The following NKAIN2 variants were observed in gnomAD, a reference collection of about 807,000 sequenced individuals.
The protein encoded by NKAIN2 is sodium/potassium-transporting ATPase subunit beta-1-interacting protein 2.
NKAIN2 carries 14 observed loss-of-function variants against 32.6 expected under a neutral mutation model. The ratio of observed to expected loss-of-function variants is 0.43; its 90% CI spans 0.28 to 0.67. NKAIN2 has a LOEUF of 0.67. NKAIN2 is among the 30% of genes least tolerant of loss of function. NKAIN2 has a pLI of 0.17. For missense variants in NKAIN2, 198 were observed against 258.3 expected, an observed-to-expected ratio of 0.77 and a Z score of 1.60; for synonymous variants, 80 against 87.2, an observed-to-expected ratio of 0.92 and a Z score of 0.46.
At chr6:124,427,318 C>A in intron 3 of NKAIN2, among the ~76,000 whole-genome samples, 1 of 152,068 alleles carries the variant, frequency 6.6e-6, no homozygotes, top group African/African-American at 2.4e-5. Context: ...CAATGATATT[C>A]AGCAATGTAA....
At chr6:124,752,488 C>T (rs955059322) in intron 4 of NKAIN2, among the ~76,000 whole-genome samples, 12 of 151,826 alleles carry the variant, frequency 7.9e-5, no homozygotes, top group Non-Finnish European at 1.8e-4. Flanking sequence ...TTTGTTATTT[C>T]CTCTATTCTG....
chr6:124,166,727 T>C (rs1359376444), intron 1 of NKAIN2, among the ~76,000 whole-genome samples: 1 of 151,888 alleles, frequency 6.6e-6, no homozygotes, highest in East Asian at 1.9e-4. Flanking sequence ...GTTTCAGCTT[T>C]CTCCATATGG....
At chr6:124,624,573 C>CATTT (rs1039966143) in intron 3 of NKAIN2, among the ~76,000 whole-genome samples, 2 of 152,142 alleles carry the variant, frequency 1.3e-5, no homozygotes, top group East Asian at 3.9e-4. Context: ...CATAGATAAA[C>CATTT]ATTTATTTTT....
At chr6:124,568,806 T>C (rs1026069181) in intron 3 of NKAIN2, among the ~76,000 whole-genome samples, 4 of 111,582 alleles carry the variant, frequency 3.6e-5, no homozygotes, top group Middle Eastern at 0.012. Flanking sequence ...TTATTATTGC[T>C]AGAAAAGCAC....
chr6:123,851,244 A>T (rs375174171), intron 1 of NKAIN2, among the ~76,000 whole-genome samples: 488 of 87,966 alleles, frequency 5.5e-3, no homozygotes, highest in African/African-American at 6.2e-3. Context: ...TGGTGGTTCT[A>T]TTTTTTTTTT....
intron 4 of NKAIN2, among the ~76,000 whole-genome samples, chr6:124,740,447 C>CATGTGT (rs144418974): frequency 7.0e-6 from 1 of 143,754 alleles, no homozygotes; most frequent in Non-Finnish European, 1.5e-5. Context: ...CACATATACA[C>CATGTGT]GTGTGTGTGT....
intron 1 of NKAIN2, among the ~76,000 whole-genome samples, chr6:124,231,481 G>T (rs1336887223): frequency 6.6e-6 from 1 of 152,164 alleles, no homozygotes; most frequent in Admixed American, 6.5e-5. Context: ...GTTTGGTTCT[G>T]TGTCCCCACC....
chr6:124,727,129 T>C (rs1437650070), intron 4 of NKAIN2, among the ~76,000 whole-genome samples: 6 of 151,976 alleles, frequency 3.9e-5, no homozygotes, highest in South Asian at 2.1e-4. Context: ...TTGGAAAACA[T>C]TCTGCAGGAG....
At chr6:124,433,665 A>AG (rs1775311589) in intron 3 of NKAIN2, among the ~76,000 whole-genome samples, 1 of 152,228 alleles carries the variant, frequency 6.6e-6, no homozygotes, top group Non-Finnish European at 1.5e-5. Context: ...GGGAATGGGA[A>AG]GGGGGCTGAG....
chr6:123,927,224 G>T (rs1776042956), intron 1 of NKAIN2, among the ~76,000 whole-genome samples: 1 of 151,982 alleles, frequency 6.6e-6, no homozygotes, highest in Non-Finnish European at 1.5e-5. Context: ...TCTTTACCTT[G>T]GTATGATTTT....
chr6:124,673,604 A>T (rs1385070550), intron 4 of NKAIN2, among the ~76,000 whole-genome samples: 2 of 151,994 alleles, frequency 1.3e-5, no homozygotes, highest in Non-Finnish European at 2.9e-5. Context: ...GTGATATCTC[A>T]CTGTGGTTTT....
At chr6:123,815,791 A>G (rs1773668772) in intron 1 of NKAIN2, among the ~76,000 whole-genome samples, 1 of 152,120 alleles carries the variant, frequency 6.6e-6, no homozygotes, top group Non-Finnish European at 1.5e-5. Context: ...GTAAAGATAT[A>G]TGTATACACA....
intron 1 of NKAIN2, among the ~76,000 whole-genome samples, chr6:124,005,594 C>G (rs1026293163): frequency 2.6e-5 from 4 of 151,990 alleles, no homozygotes; most frequent in African/African-American, 9.7e-5. Flanking sequence ...CTAATTCATG[C>G]AAAGTGCCTA....
chr6:123,847,446 G>A (rs1184882002), intron 1 of NKAIN2, among the ~76,000 whole-genome samples: 4 of 152,126 alleles, frequency 2.6e-5, no homozygotes, highest in Non-Finnish European at 5.9e-5. Flanking sequence ...CCGGCGGATG[G>A]AACTTTCTGC....
At chr6:124,727,075 G>A (rs568733669) in intron 4 of NKAIN2, among the ~76,000 whole-genome samples, 13 of 152,248 alleles carry the variant, frequency 8.5e-5, no homozygotes, top group East Asian at 3.9e-4. Flanking sequence ...CCAAATCTAC[G>A]TCTGATTGGT....
intron 6 of NKAIN2, chr6:124,819,157 C>T (rs968722803): frequency 7.5e-6 from 7 of 937,410 alleles, no homozygotes; most frequent in African/African-American, 7.1e-5. Flanking sequence ...GAATTGCAAG[C>T]GAAGATCAAA....
chr6:124,241,013 C>G (rs1225403437), intron 1 of NKAIN2, among the ~76,000 whole-genome samples: 1 of 152,162 alleles, frequency 6.6e-6, no homozygotes, highest in Non-Finnish European at 1.5e-5. Context: ...AGCCCAAAAT[C>G]TCTTTAAGCT....
intron 3 of NKAIN2, among the ~76,000 whole-genome samples, chr6:124,422,414 A>G (rs895590835): frequency 1.3e-5 from 2 of 152,194 alleles, no homozygotes; most frequent in Non-Finnish European, 2.9e-5. Context: ...TTTATATCCC[A>G]TTGCCTGCAT....
chr6:124,574,522 G>T (rs9388343), intron 3 of NKAIN2, among the ~76,000 whole-genome samples: 10,109 of 152,182 alleles, frequency 0.066, 500 homozygotes, highest in East Asian at 0.17. Flanking sequence ...TAAAGCTGAG[G>T]CAGGGAGAGT....
Sources: gnomAD v4.1 joint callset for allele counts (sites outside exome capture counted in the v4.1 genomes callset) on GRCh38, gnomAD v4.1.1 for gene constraint, MANE v1.5 for transcripts, NCBI Gene and HGNC (gene_info 2026-07-23, HGNC 2026-07-21) for gene names.